The following SKIL variants were observed in gnomAD, a reference collection of about 807,000 sequenced individuals.
SKIL encodes ski-like protein.
SKIL carries 20 observed loss-of-function variants against 69.6 expected under a neutral mutation model. The observed-to-expected ratio is 0.29, with a 90% CI of 0.20 to 0.42. The LOEUF (loss-of-function observed/expected upper bound fraction) is 0.42, where lower values mean the gene tolerates loss of function less well. Ranked by LOEUF, SKIL falls within the 10% of genes least tolerant of loss-of-function variation. The pLI, the probability that SKIL is intolerant of heterozygous loss-of-function variation, is 1.00. For synonymous variants in SKIL, 310 were observed against 279.9 expected (o/e 1.11, Z -1.08); for missense variants, 745 against 783.1 (o/e 0.95, Z 0.58).
intron 5 of SKIL, among the ~76,000 whole-genome samples, chr3:170,390,805 G>A (rs1367972586): frequency 6.6e-6 from 1 of 152,126 alleles, no homozygotes; most frequent in Non-Finnish European, 1.5e-5. Context: ...AGTAAGAAAA[G>A]TCAAAACGAG....
At position 170,395,364 on chromosome 3, in the gene SKIL, GAGTT is replaced by G. The variant is rs1156574051; in HGVS notation, c.*2950_*2953del. ...TTTGCTTGAATTTCTGTGTTCATGA[GAGTT>G]AGGGTGTTTTATGCTTCTTGAACTA... On this transcript the variant is annotated 3_prime_UTR_variant, in exon 7 of 7. Transcript: ENST00000259119. The G allele has an allele frequency of 6.6e-4, 100 of 152,182 alleles. No homozygotes were observed. The highest frequency in any genetic ancestry group is 2.1e-3 in the African/African-American group (86 of 41,546). The allele number at this position is 152,182 out of a possible 1,614,324, so 9.4% of individuals were successfully genotyped here. A position where few individuals can be genotyped will look rare whatever the true frequency, so the allele number is the denominator to read the frequency against.
chr3:170,386,487 A>G lies in SKIL; in HGVS notation c.1429+1722A>G, dbSNP rs538220697. ...TTTGTTTCGTTTTTCTTTTTTAGAG[A>G]CAGAGTCTCACTCTGTTGCTCTAGG... On this transcript the variant is annotated intron_variant, in intron 4 of 6. Transcript: ENST00000259119. 4.6e-5 allele frequency among the ~76,000 whole-genome samples: 7 copies of G among 152,150 alleles called. No homozygotes were observed. In the South Asian group the frequency reaches 1.5e-3, roughly 32 times the overall value.
intron 2 of SKIL, among the ~76,000 whole-genome samples, chr3:170,363,829 G>A (rs984171880): frequency 6.6e-6 from 1 of 152,170 alleles, no homozygotes; most frequent in African/African-American, 2.4e-5. Context: ...CCAGTGCTCA[G>A]TGTAGAACTT....
chr3:170,375,828 C>T (rs1384427448), intron 2 of SKIL, among the ~76,000 whole-genome samples: 1 of 152,020 alleles, frequency 6.6e-6, no homozygotes, highest in Non-Finnish European at 1.5e-5. Flanking sequence ...AGTCCTTGTG[C>T]CTTGGCCTCC....
chr3:170,381,189 A>G (rs1484800436), intron 2 of SKIL, 55 bp from the exon 3 acceptor site: 2 of 978,762 alleles, frequency 2.0e-6, no homozygotes, highest in East Asian at 2.4e-5. Flanking sequence ...GACACATAAA[A>G]TTAACCTTCA....
At chr3:170,372,181 C>G (rs1736829333) in intron 2 of SKIL, among the ~76,000 whole-genome samples, 1 of 152,144 alleles carries the variant, frequency 6.6e-6, no homozygotes, top group Non-Finnish European at 1.5e-5. Flanking sequence ...GTGTATTTTT[C>G]TTCAAGTTCT....
intron 2 of SKIL, among the ~76,000 whole-genome samples, chr3:170,380,599 C>T (rs909098432): frequency 2.6e-5 from 4 of 151,190 alleles, no homozygotes; most frequent in East Asian, 1.9e-4. Flanking sequence ...GCCAAGATCG[C>T]GCCACTGCAC....
chr3:170,394,181 C>G lies in SKIL; in HGVS notation c.*1764C>G, dbSNP rs1295661000. 1.8e-5 allele frequency: 2 copies of G among 114,002 alleles called. No individual in the cohort carries two copies. The highest frequency in any genetic ancestry group is 6.9e-5 in the African/African-American group (2 of 29,034). The allele number at this position is 114,002 out of a possible 1,614,324, so 7.1% of individuals were successfully genotyped here. A position where few individuals can be genotyped will look rare whatever the true frequency, so the allele number is the denominator to read the frequency against. On this transcript the variant is annotated 3_prime_UTR_variant, in exon 7 of 7. Coordinates refer to ENST00000259119, the MANE Select transcript of SKIL (RefSeq NM_005414.5). ...TCTCGCTGTCTCCCAGGCTGGAGTTCAGTGGTGCAATCTCGGCTCACTGCA... is the reference window on the plus strand; with the variant it reads ...TCTCGCTGTCTCCCAGGCTGGAGTTGAGTGGTGCAATCTCGGCTCACTGCA...
intron 2 of SKIL, among the ~76,000 whole-genome samples, chr3:170,368,130 A>G (rs2108899306): frequency 6.6e-6 from 1 of 152,344 alleles, no homozygotes; most frequent in Middle Eastern, 3.4e-3. Context: ...TTGTGTTGGG[A>G]CAGAATGTGA....
rs763571153 is a variant in SKIL at position 170,384,492 on chromosome 3, A to G, written c.1197-41A>G. On this transcript the variant is annotated intron_variant, in intron 3 of 6. Transcript: ENST00000259119. Reference sequence around the variant, plus strand: ...CATATTTGATTTTTACTTAATTGTAATATGTAATATATGTCTTGTTTTGCT... The same window carrying G: ...CATATTTGATTTTTACTTAATTGTAGTATGTAATATATGTCTTGTTTTGCT... 24 of 878,160 alleles carry G rather than the reference A, an allele frequency of 2.7e-5. No homozygotes were observed. The African/African-American group carries it at 3.9e-4, about 14-fold the overall frequency. 54.4% of individuals were successfully genotyped at this position (878,160 alleles called of 1,614,324 possible).
chr3:170,361,691 A>C (rs1029056207), intron 2 of SKIL, among the ~76,000 whole-genome samples: 8 of 152,160 alleles, frequency 5.3e-5, no homozygotes, highest in Non-Finnish European at 1.0e-4. Context: ...TCAGAGAGAT[A>C]AAATGACTTT....
chr3:170,360,807 T>C lies in SKIL; in HGVS notation c.476T>C (p.Val159Ala). ...GGGGAATCTATTTCTTGTTTTCAAG[T>C]TGGAGGAGAAAAGAGACTCTGTTTG... ...LEGESISCFQ[V>A]GGEKRLCLPQ... Residue 159 changes from valine to alanine, a missense_variant, in exon 2 of 7, where the codon GTT becomes GCT. Physicochemically the swap from Val to Ala is moderately conservative, Grantham distance 64 (BLOSUM62 0). Coordinates refer to ENST00000259119, the MANE Select transcript of SKIL (RefSeq NM_005414.5). The C allele has an allele frequency of 6.2e-7, 1 of 1,614,202 alleles. No homozygotes were observed. Among genetic ancestry groups the C allele is most frequent in the Non-Finnish European group, 8.5e-7 (1 of 1,180,032 alleles).
rs997410811 is a variant in SKIL at position 170,393,483 on chromosome 3, A to G, written c.*1066A>G. 2 of 152,310 alleles carry G rather than the reference A, an allele frequency of 1.3e-5. No individual in the cohort carries two copies. The highest frequency in any genetic ancestry group is 1.9e-4 in the East Asian group (1 of 5,188). 9.4% of individuals were successfully genotyped at this position (152,310 alleles called of 1,614,324 possible). ...AACTGATAGTACATGATAGGTGCATATAGGACAGTTTAGTTACCTGCTACT... is the reference window on the plus strand; with the variant it reads ...AACTGATAGTACATGATAGGTGCATGTAGGACAGTTTAGTTACCTGCTACT... On this transcript the variant is annotated 3_prime_UTR_variant, in exon 7 of 7. Transcript: ENST00000259119.
At chr3:170,390,513 A>G (rs1310898249) in intron 5 of SKIL, 49 bp downstream of exon 5, 3 of 1,497,256 alleles carry the variant, frequency 2.0e-6, no homozygotes, top group East Asian at 4.6e-5. Flanking sequence ...ATACTTTTGT[A>G]TATTGCTCTG....
chr3:170,367,759 G>A (rs1379063525), intron 2 of SKIL, among the ~76,000 whole-genome samples: 2 of 152,090 alleles, frequency 1.3e-5, no homozygotes, highest in Non-Finnish European at 2.9e-5. Flanking sequence ...GTGAGCCACC[G>A]TGCCTGGCTA....
At chr3:170,363,091 T>G (rs1168834916) in intron 2 of SKIL, among the ~76,000 whole-genome samples, 1 of 152,080 alleles carries the variant, frequency 6.6e-6, no homozygotes, top group Admixed American at 6.6e-5. Flanking sequence ...TAATTTTATT[T>G]AATTCTTAAC....
intron 2 of SKIL, among the ~76,000 whole-genome samples, chr3:170,376,655 A>G (rs1194837394): frequency 6.6e-6 from 1 of 152,002 alleles, no homozygotes; most frequent in Admixed American, 6.6e-5. Flanking sequence ...AGCTCACTGC[A>G]ACCTCTGTTT....
rs1303242076 is a variant in SKIL, at chr3:170,396,661, T to C, written c.*4244T>C. On this transcript the variant is annotated 3_prime_UTR_variant, in exon 7 of 7. Transcript: ENST00000259119. ...ATGGTTTTACTAAAAATAAGACTCA[T>C]GTATCTGGTCACCTAGTTTACAAAT... 1 of 152,214 alleles carries C rather than the reference T, an allele frequency of 6.6e-6. No individual in the cohort carries two copies. The highest frequency in any genetic ancestry group is 1.5e-5 in the Non-Finnish European group (1 of 68,024). 9.4% of individuals were successfully genotyped at this position (152,214 alleles called of 1,614,324 possible).
chr3:170,364,652 T>G (rs1193462960), intron 2 of SKIL, among the ~76,000 whole-genome samples: 1 of 152,092 alleles, frequency 6.6e-6, no homozygotes, highest in Non-Finnish European at 1.5e-5. Context: ...CTGACATAAG[T>G]GTATTTTGGA....
Sources: gnomAD v4.1 joint callset for allele counts (sites outside exome capture counted in the v4.1 genomes callset) on GRCh38, gnomAD v4.1.1 for gene constraint, MANE v1.5 for transcripts, NCBI Gene and HGNC (gene_info 2026-07-23, HGNC 2026-07-21) for gene names.